Variants in SEM1 observed in about 807,000 individuals in gnomAD.
SEM1 encodes the protein 26S proteasome complex subunit SEM1.
In SEM1, 3 loss-of-function variants were observed where a neutral mutation model predicts 12.7. The ratio of observed to expected loss-of-function variants is 0.24; its 90% CI spans 0.11 to 0.61. SEM1 has a LOEUF of 0.61. SEM1 is among the 20% of genes least tolerant of loss of function. The pLI is 0.88. For synonymous variants in SEM1, 30 were observed against 27.8 expected (o/e 1.08, Z -0.25); for missense variants, 59 against 81.3 (o/e 0.73, Z 1.06).
intron 2 of SEM1, among the ~76,000 whole-genome samples, chr7:96,519,730 T>C (rs1804210728): frequency 6.6e-6 from 1 of 152,106 alleles, no homozygotes; most frequent in African/African-American, 2.4e-5. Flanking sequence ...ACCAGTGTCC[T>C]GAAAAGATCT....
At chr7:96,598,112 G>A (rs1034245896) in intron 2 of SEM1, among the ~76,000 whole-genome samples, 20 of 152,004 alleles carry the variant, frequency 1.3e-4, no homozygotes, top group African/African-American at 4.6e-4. Flanking sequence ...GTCACTCTTA[G>A]AAACACCATA....
intron 1 of SEM1, among the ~76,000 whole-genome samples, chr7:96,490,665 G>T (rs1401424912): frequency 3.3e-5 from 5 of 152,270 alleles, no homozygotes. Flanking sequence ...ATGGGGTCAG[G>T]GTGGGGGTGG....
chr7:96,656,283 C>T (rs1809177087), intron 2 of SEM1, among the ~76,000 whole-genome samples: 1 of 152,184 alleles, frequency 6.6e-6, no homozygotes, highest in Non-Finnish European at 1.5e-5. Flanking sequence ...TAGTTGGAGT[C>T]CTCATGCCTA....
At chr7:96,663,558 C>T (rs1298342981) in intron 2 of SEM1, among the ~76,000 whole-genome samples, 1 of 152,168 alleles carries the variant, frequency 6.6e-6, no homozygotes, top group Non-Finnish European at 1.5e-5. Flanking sequence ...TGCAGTGCCA[C>T]ACTGAGAAAG....
chr7:96,549,769 T>G (rs1424573627), intron 2 of SEM1, among the ~76,000 whole-genome samples: 3 of 152,186 alleles, frequency 2.0e-5, no homozygotes, highest in Admixed American at 2.0e-4. Context: ...AGTTCTTTTT[T>G]TCCCTAAAAA....
intron 2 of SEM1, among the ~76,000 whole-genome samples, chr7:96,624,734 C>T (rs1229211769): frequency 6.6e-6 from 1 of 152,014 alleles, no homozygotes; most frequent in African/African-American, 2.4e-5. Context: ...AGGGGATTCC[C>T]AGTTTGTGCA....
intron 2 of SEM1, among the ~76,000 whole-genome samples, chr7:96,675,142 T>C (rs1205875875): frequency 6.9e-6 from 1 of 145,566 alleles, no homozygotes; most frequent in Non-Finnish European, 1.5e-5. Flanking sequence ...GTGGAAAATA[T>C]AGTTGCATTT....
chr7:96,505,241 A>G (rs1472688109), intron 3 of SEM1, among the ~76,000 whole-genome samples: 1 of 151,996 alleles, frequency 6.6e-6, no homozygotes, highest in Non-Finnish European at 1.5e-5. Flanking sequence ...AGCTGGGATT[A>G]CAGATGCACA....
intron 2 of SEM1, among the ~76,000 whole-genome samples, chr7:96,606,157 C>T (rs986112291): frequency 2.6e-5 from 4 of 152,026 alleles, no homozygotes; most frequent in African/African-American, 9.7e-5. Flanking sequence ...ACAAATTAAA[C>T]TTCATCATAG....
intron 2 of SEM1, among the ~76,000 whole-genome samples, chr7:96,648,084 A>G (rs1190206566): frequency 6.6e-6 from 1 of 152,152 alleles, no homozygotes; most frequent in African/African-American, 2.4e-5. Flanking sequence ...TTTTTAACCT[A>G]TTTACATATT....
intron 2 of SEM1, among the ~76,000 whole-genome samples, chr7:96,558,664 G>A (rs2115900245): frequency 6.6e-6 from 1 of 152,250 alleles, no homozygotes; most frequent in East Asian, 1.9e-4. Context: ...TGAAAAGAGG[G>A]TAGAAACATG....
chr7:96,523,414 A>G (rs778416203), intron 2 of SEM1, among the ~76,000 whole-genome samples: 10 of 152,116 alleles, frequency 6.6e-5, no homozygotes, highest in Non-Finnish European at 1.2e-4. Flanking sequence ...AAATAGTCAC[A>G]GTTCAAAGCA....
At chr7:96,642,410 T>C (rs1183418707) in intron 2 of SEM1, among the ~76,000 whole-genome samples, 1 of 152,076 alleles carries the variant, frequency 6.6e-6, no homozygotes, top group Non-Finnish European at 1.5e-5. Flanking sequence ...TTACTTCAAT[T>C]ACATCCTCAA....
chr7:96,563,318 G>C (rs186478999), intron 2 of SEM1, among the ~76,000 whole-genome samples: 1 of 152,100 alleles, frequency 6.6e-6, no homozygotes, highest in Non-Finnish European at 1.5e-5. Context: ...TCATTATTGA[G>C]AGTGAGGATG....
chr7:96,501,791 C>G (rs7787512), intron 3 of SEM1, among the ~76,000 whole-genome samples: 2 of 151,802 alleles, frequency 1.3e-5, no homozygotes, highest in South Asian at 4.2e-4. Context: ...TGCATAATGC[C>G]GATGTTTGGG....
At chr7:96,562,115 C>G (rs116505524) in intron 2 of SEM1, among the ~76,000 whole-genome samples, 1 of 152,030 alleles carries the variant, frequency 6.6e-6, no homozygotes, top group Non-Finnish European at 1.5e-5. Context: ...TTCATTTTGT[C>G]GAGTTAAAGT....
intron 2 of SEM1, among the ~76,000 whole-genome samples, chr7:96,680,468 C>G (rs1554433667): frequency 2.6e-5 from 4 of 151,976 alleles, no homozygotes; most frequent in Non-Finnish European, 4.4e-5. Flanking sequence ...ACATTGTAAA[C>G]AGGGGTGTGC....
intron 2 of SEM1, among the ~76,000 whole-genome samples, chr7:96,565,392 G>A (rs532744768): frequency 1.8e-4 from 28 of 151,850 alleles, no homozygotes; most frequent in African/African-American, 5.5e-4. Context: ...GTAATGGCCC[G>A]GAGGCAGCCA....
intron 2 of SEM1, among the ~76,000 whole-genome samples, chr7:96,524,763 A>G (rs1452150661): frequency 6.6e-6 from 1 of 152,124 alleles, no homozygotes; most frequent in Non-Finnish European, 1.5e-5. Flanking sequence ...AATATATTTT[A>G]TGCTTCTAGA....
Sources: allele counts gnomAD v4.1 joint callset (sites outside exome capture counted in the v4.1 genomes callset), GRCh38; gene constraint gnomAD v4.1.1; transcripts MANE v1.5; gene names NCBI Gene and HGNC (gene_info 2026-07-23, HGNC 2026-07-21).